Variants in MGAT5 observed in about 807,000 individuals in gnomAD.
The protein encoded by MGAT5 is alpha-1,6-mannosylglycoprotein 6-beta-N-acetylglucosaminyltransferase A.
A neutral mutation model predicts 94.3 loss-of-function variants in MGAT5; 30 were observed. The observed-to-expected ratio is 0.32, with a 90% confidence interval of 0.24 to 0.43. MGAT5 has a LOEUF of 0.43. Ranked by LOEUF, MGAT5 falls within the 20% of genes least tolerant of loss-of-function variation. The pLI is 1.00. For synonymous variants in MGAT5, 310 were observed against 322.9 expected, an observed-to-expected ratio of 0.96 and a Z score of 0.43; for missense variants, 691 against 905.5, an observed-to-expected ratio of 0.76 and a Z score of 3.04.
chr2:134,194,397 C>T (rs1469895245), intron 1 of MGAT5, among the ~76,000 whole-genome samples: 4 of 152,078 alleles, frequency 2.6e-5, no homozygotes, highest in Non-Finnish European at 4.4e-5. Flanking sequence ...AATACTACTG[C>T]TGTTACAGTT....
intron 14 of MGAT5, among the ~76,000 whole-genome samples, chr2:134,441,399 C>T (rs562052169): frequency 1.3e-5 from 2 of 152,354 alleles, no homozygotes; most frequent in South Asian, 2.1e-4. Flanking sequence ...AGAGCAGAGG[C>T]TCTAAATAGC....
chr2:134,183,808 C>T (rs1394602458), intron 1 of MGAT5, among the ~76,000 whole-genome samples: 3 of 152,202 alleles, frequency 2.0e-5, no homozygotes, highest in Non-Finnish European at 2.9e-5. Context: ...TTGAGCAAGG[C>T]GGCCAAGTTT....
chr2:134,308,838 C>A (rs1686486807), intron 2 of MGAT5, among the ~76,000 whole-genome samples: 1 of 152,118 alleles, frequency 6.6e-6, no homozygotes, highest in Non-Finnish European at 1.5e-5. Context: ...AGTTTGAGAC[C>A]AGCCTGGGCA....
intron 1 of MGAT5, among the ~76,000 whole-genome samples, chr2:134,124,149 T>G (rs1476224691): frequency 6.6e-6 from 1 of 152,204 alleles, no homozygotes. Flanking sequence ...ATTATCTCAC[T>G]TTTAATTTAG....
At chr2:134,320,614 C>T (rs1193693975) in intron 4 of MGAT5, among the ~76,000 whole-genome samples, 7 of 151,992 alleles carry the variant, frequency 4.6e-5, no homozygotes, top group African/African-American at 1.5e-4. Context: ...TTATTCTGTC[C>T]CCCGTTTTTG....
intron 1 of MGAT5, among the ~76,000 whole-genome samples, chr2:134,220,560 G>A (rs1444424777): frequency 6.6e-6 from 1 of 152,186 alleles, no homozygotes; most frequent in East Asian, 1.9e-4. Flanking sequence ...CCAGCCCATT[G>A]TGCCCCATCT....
chr2:134,123,659 C>CTGGGGGTTTCGTA (rs1685715927), intron 1 of MGAT5, among the ~76,000 whole-genome samples: 1 of 152,082 alleles, frequency 6.6e-6, no homozygotes, highest in African/African-American at 2.4e-5. Context: ...AGCTTTGTCT[C>CTGGGGGTTTCGTA]TGGGGGTTTC....
chr2:134,177,552 T>A (rs1688539102), intron 1 of MGAT5, among the ~76,000 whole-genome samples: 1 of 152,246 alleles, frequency 6.6e-6, no homozygotes, highest in South Asian at 2.1e-4. Context: ...TAGCTGGCAT[T>A]CCTCTCGCCT....
chr2:134,342,256 C>T (rs962380879), intron 7 of MGAT5, among the ~76,000 whole-genome samples: 9 of 152,114 alleles, frequency 5.9e-5, no homozygotes, highest in Non-Finnish European at 1.3e-4. Flanking sequence ...TTGGGTTTTT[C>T]ATTTCACTGA....
upstream of MGAT5, among the ~76,000 whole-genome samples, chr2:134,251,014 G>A (rs897963644): frequency 6.6e-6 from 1 of 152,134 alleles, no homozygotes; most frequent in African/African-American, 2.4e-5. Context: ...AGGGTTAATT[G>A]AGGAAGTAGA....
chr2:134,213,010 A>G (rs1259668694), intron 1 of MGAT5, among the ~76,000 whole-genome samples: 2 of 152,188 alleles, frequency 1.3e-5, no homozygotes, highest in East Asian at 3.9e-4. Flanking sequence ...TCTCCTTGAC[A>G]TTGAAATACT....
At chr2:134,328,235 C>T (rs979708948) in intron 4 of MGAT5, among the ~76,000 whole-genome samples, 2 of 152,080 alleles carry the variant, frequency 1.3e-5, no homozygotes, top group East Asian at 1.9e-4. Flanking sequence ...CCCCTCACCC[C>T]TGATATGCTG....
chr2:134,371,166 C>T (rs570391423), intron 10 of MGAT5, among the ~76,000 whole-genome samples: 2 of 152,260 alleles, frequency 1.3e-5, no homozygotes, highest in South Asian at 4.2e-4. Context: ...AAGGAGATGC[C>T]CGGATTCTCA....
chr2:134,240,893 C>T (rs11904446), intron 1 of MGAT5, among the ~76,000 whole-genome samples: 4,571 of 152,190 alleles, frequency 0.03, 240 homozygotes, highest in African/African-American at 0.1. Flanking sequence ...CTGTCTTAGC[C>T]TGATATTTAG....
chr2:134,425,301 A>G (rs927171282), intron 13 of MGAT5, among the ~76,000 whole-genome samples: 6 of 152,176 alleles, frequency 3.9e-5, no homozygotes, highest in Admixed American at 1.3e-4. Flanking sequence ...GGGCCTTTCA[A>G]TAGGCCATGG....
At chr2:134,121,776 A>G (rs1438767578) in intron 1 of MGAT5, among the ~76,000 whole-genome samples, 1 of 152,182 alleles carries the variant, frequency 6.6e-6, no homozygotes, top group Non-Finnish European at 1.5e-5. Flanking sequence ...GCGAGTGGGA[A>G]GCTGGGTCGT....
chr2:134,428,248 C>A lies in MGAT5; in HGVS notation c.1795-117C>A, dbSNP rs573600124. The A allele has an allele frequency of 5.9e-6, 5 of 845,848 alleles. No individual in the cohort carries two copies. The East Asian group carries it at 1.3e-4, about 22-fold the overall frequency. 52.4% of individuals were successfully genotyped at this position (845,848 alleles called of 1,614,324 possible). On this transcript the variant is annotated intron_variant, in intron 13 of 15. Coordinates refer to ENST00000281923, the MANE Select transcript of MGAT5 (RefSeq NM_002410.5). ...TCACGACTTGCAAGTCCATAGTCAACCCTCATGAGGCCGACTCCTGGTGTT... is the reference window on the plus strand; with the variant it reads ...TCACGACTTGCAAGTCCATAGTCAAACCTCATGAGGCCGACTCCTGGTGTT...
Position 134,340,020 on chromosome 2 carries a change from G to C in MGAT5, c.808-1570G>C, listed in dbSNP as rs377742434. Among the ~76,000 whole-genome samples, 17 of 152,288 alleles carry C rather than the reference G, an allele frequency of 1.1e-4. No homozygotes were observed. In the East Asian group the frequency reaches 2.1e-3, roughly 19 times the overall value. On this transcript the variant is annotated intron_variant, in intron 6 of 15. Transcript: ENST00000281923. ...GTAATTATGTTAGTGTCTTTGAGAA[G>C]TGGGATTTGCAGTGTGGAAGAGAAG... is the stretch of plus-strand genomic sequence containing the variant.
intron 1 of MGAT5, among the ~76,000 whole-genome samples, chr2:134,164,789 C>G (rs955210021): frequency 6.6e-6 from 1 of 151,228 alleles, no homozygotes; most frequent in African/African-American, 2.4e-5. Flanking sequence ...ATAATTGGGC[C>G]TGTGAATAGC....
Sources: gnomAD v4.1 joint callset for allele counts (sites outside exome capture counted in the v4.1 genomes callset) on GRCh38, gnomAD v4.1.1 for gene constraint, MANE v1.5 for transcripts, NCBI Gene and HGNC (gene_info 2026-07-23, HGNC 2026-07-21) for gene names.